Variants in AXDND1 observed in about 807,000 individuals in gnomAD.
AXDND1 encodes the protein axonemal dynein light chain domain-containing protein 1.
A neutral mutation model predicts 137.5 loss-of-function variants in AXDND1; 110 were observed. The ratio of observed to expected loss-of-function variants is 0.80; its 90% confidence interval spans 0.69 to 0.94. AXDND1 has a LOEUF of 0.94. Among genes scored for constraint, AXDND1 ranks in the 40% least tolerant of loss-of-function variants. The pLI is 0.00. For synonymous variants in AXDND1, 414 were observed against 399.7 expected, an observed-to-expected ratio of 1.04 and a Z score of -0.43; for missense variants, 1,191 against 1,169.8, an observed-to-expected ratio of 1.02 and a Z score of -0.26.
At chr1:179,398,529 G>A (rs1285576653) in intron 11 of AXDND1, among the ~76,000 whole-genome samples, 1 of 152,182 alleles carries the variant, frequency 6.6e-6, no homozygotes, top group Non-Finnish European at 1.5e-5. Context: ...GCTGCAACAG[G>A]TGCTGGGGTG....
intron 15 of AXDND1, among the ~76,000 whole-genome samples, chr1:179,442,107 A>C (rs538407412): frequency 1.8e-4 from 28 of 152,324 alleles, no homozygotes; most frequent in Admixed American, 3.3e-4. Context: ...GAAAAGCACA[A>C]GGTCCTAAGG....
intron 20 of AXDND1, among the ~76,000 whole-genome samples, chr1:179,503,470 A>C (rs1668227202): frequency 6.6e-6 from 1 of 152,032 alleles, no homozygotes; most frequent in African/African-American, 2.4e-5. Flanking sequence ...AATTGGATGC[A>C]CTAATTTTTA....
intron 18 of AXDND1, among the ~76,000 whole-genome samples, chr1:179,484,379 C>T (rs74448995): frequency 3.3e-5 from 5 of 152,286 alleles, no homozygotes; most frequent in African/African-American, 1.2e-4. Flanking sequence ...GGGGAACTAT[C>T]AGACCTGAAC....
In AXDND1 at chr1:179,504,550, A is replaced by G. The variant is rs866985625; in HGVS notation, c.2389-4746A>G. Among the ~76,000 whole-genome samples, 3 of 152,222 alleles carry G rather than the reference A, an allele frequency of 2.0e-5. No individual in the cohort carries two copies. The South Asian group carries it at 6.2e-4, about 32-fold the overall frequency. ...CCCTATAAAAGTTAAGGCTATAGCC[A>G]TATGGAGGACACTATCATGAGGAGC... is the stretch of plus-strand genomic sequence containing the variant. On this transcript the variant is annotated intron_variant, in intron 20 of 25. Transcript: ENST00000367618.
intron 21 of AXDND1, among the ~76,000 whole-genome samples, chr1:179,520,882 AT>A (rs1392396806): frequency 6.7e-6 from 1 of 148,408 alleles, no homozygotes; most frequent in Non-Finnish European, 1.5e-5. Context: ...TTATATATAT[AT>A]ACAGCATATT....
intron 12 of AXDND1, among the ~76,000 whole-genome samples, chr1:179,425,249 A>T (rs996062883): frequency 4.6e-5 from 7 of 152,214 alleles, no homozygotes; most frequent in Non-Finnish European, 1.0e-4. Context: ...ACCCAGGTTC[A>T]CCTCAACTCT....
intron 16 of AXDND1, among the ~76,000 whole-genome samples, chr1:179,458,484 A>G (rs1440445804): frequency 6.6e-6 from 1 of 152,130 alleles, no homozygotes; most frequent in East Asian, 1.9e-4. Flanking sequence ...TATTTATGAC[A>G]GTAGGTGCAA....
chr1:179,512,277 A>G (rs751474986), intron 21 of AXDND1, among the ~76,000 whole-genome samples: 81 of 152,250 alleles, frequency 5.3e-4, no homozygotes, highest in African/African-American at 1.9e-3. Flanking sequence ...GTTCTCCTAC[A>G]TGTGGCTAGC....
intron 18 of AXDND1, among the ~76,000 whole-genome samples, chr1:179,487,499 A>C (rs1572044043): frequency 6.8e-6 from 1 of 147,496 alleles, no homozygotes; most frequent in African/African-American, 2.6e-5. Context: ...AACTGATTGA[A>C]AAGCTTCATG....
rs144753815 is a variant in AXDND1, at chr1:179,404,671, A to G, written c.1110-6475A>G. On this transcript the variant is annotated intron_variant, in intron 11 of 25. Coordinates refer to ENST00000367618, the MANE Select transcript of AXDND1 (RefSeq NM_144696.6). The stretch of plus-strand genomic sequence containing the variant: ...ATTTGCTTTGCTAGTATTTTGTTGG[A>G]ATTTTTGCATCTAAGTTCATCCATG... Among the ~76,000 whole-genome samples, 207 of 152,232 alleles carry G rather than the reference A, an allele frequency of 1.4e-3. 2 individuals are homozygous for G. Among genetic ancestry groups the G allele is most frequent in the African/African-American group, 4.8e-3 (199 of 41,524 alleles).
At chr1:179,407,323 G>A (rs964097930) in intron 11 of AXDND1, among the ~76,000 whole-genome samples, 4 of 151,732 alleles carry the variant, frequency 2.6e-5, no homozygotes, top group African/African-American at 9.7e-5. Context: ...CGTTTCCCTG[G>A]TTCAAGCAAT....
chr1:179,448,156 C>G (rs1040313344), intron 16 of AXDND1: 7 of 951,618 alleles, frequency 7.4e-6, no homozygotes, highest in Middle Eastern at 2.4e-4. Context: ...GTATCAGGGT[C>G]TGAGCTGTCG....
intron 18 of AXDND1, among the ~76,000 whole-genome samples, chr1:179,487,211 T>C (rs1489018034): frequency 6.7e-6 from 1 of 148,694 alleles, no homozygotes; most frequent in East Asian, 1.9e-4. Context: ...TCCTGATCCA[T>C]GTTCTTATCT....
At chr1:179,389,484 T>C (rs553124847) in intron 9 of AXDND1, among the ~76,000 whole-genome samples, 1 of 152,294 alleles carries the variant, frequency 6.6e-6, no homozygotes, top group Non-Finnish European at 1.5e-5. Context: ...AAGATTTGTA[T>C]GTGCTCCCTT....
chr1:179,511,393 G>GTGTGT (rs1553300905), intron 21 of AXDND1, among the ~76,000 whole-genome samples: 1 of 145,076 alleles, frequency 6.9e-6, no homozygotes, highest in East Asian at 2.0e-4. Flanking sequence ...TGGTATATGG[G>GTGTGT]GTGTGTGTGT....
rs1034832392 is a variant in AXDND1 at position 179,461,102 on chromosome 1, T to G, written c.1799-7341T>G. Among the ~76,000 whole-genome samples, 51 of 152,212 alleles carry G rather than the reference T, an allele frequency of 3.4e-4. 1 individual carries two copies. Among genetic ancestry groups the G allele is most frequent in the Non-Finnish European group, 4.4e-5 (3 of 68,030 alleles). On this transcript the variant is annotated intron_variant, in intron 16 of 25. Coordinates refer to ENST00000367618, the MANE Select transcript of AXDND1 (RefSeq NM_144696.6). ...TGGCTTTTGTTGCCATTGCTTTTGGTGTTTTAGTCATGAAGTTCTTGCCCA... is the reference window on the plus strand; with the variant it reads ...TGGCTTTTGTTGCCATTGCTTTTGGGGTTTTAGTCATGAAGTTCTTGCCCA...
At chr1:179,466,671 C>T (rs1170754287) in intron 16 of AXDND1, among the ~76,000 whole-genome samples, 1 of 151,928 alleles carries the variant, frequency 6.6e-6, no homozygotes, top group African/African-American at 2.4e-5. Context: ...ATTTGGTTCT[C>T]CTATAGTTCT....
At chr1:179,445,998 C>G (rs866739195) in intron 16 of AXDND1, among the ~76,000 whole-genome samples, 1 of 152,132 alleles carries the variant, frequency 6.6e-6, no homozygotes, top group Non-Finnish European at 1.5e-5. Flanking sequence ...TGCATACTTG[C>G]TAGTACTTGT....
At chr1:179,552,485 G>GC in intron 25 of AXDND1, 1 of 782,418 alleles carries the variant, frequency 1.3e-6, no homozygotes, top group Non-Finnish European at 2.2e-6. Context: ...AGTTGTAAGG[G>GC]CCCAAGACAG....
Sources: allele counts gnomAD v4.1 joint callset (sites outside exome capture counted in the v4.1 genomes callset), GRCh38; gene constraint gnomAD v4.1.1; transcripts MANE v1.5; gene names NCBI Gene and HGNC (gene_info 2026-07-23, HGNC 2026-07-21).